PHF24: variants seen among roughly 807,000 people sequenced by gnomAD.
PHF24 encodes Galpha inhibitory interacting protein.
Under a neutral mutation model 42.6 loss-of-function variants are expected in PHF24, and 25 were observed. The observed-to-expected ratio is 0.59, with a 90% CI of 0.43 to 0.82. The LOEUF is 0.82. PHF24 is among the 40% of genes least tolerant of loss of function. The pLI, the probability that PHF24 is intolerant of heterozygous loss-of-function variation, is 0.00. For synonymous variants in PHF24, 185 were observed against 204.8 expected (o/e 0.90, Z 0.83); for missense variants, 470 against 538.1 (o/e 0.87, Z 1.25).
At chr9:34,935,426 T>C in the PHF24 span, among the ~76,000 whole-genome samples, 1 of 151,924 alleles carries the variant, frequency 6.6e-6, no homozygotes, top group Admixed American at 6.5e-5. Context: ...AAACCTCATC[T>C]CAACTAAAAA....
At chr9:34,723,651 G>A in the PHF24 span, 3 of 1,551,512 alleles carry the variant, frequency 1.9e-6, no homozygotes, top group African/African-American at 4.1e-5. Context: ...GCATGGACTG[G>A]CATCACCAGC....
At chr9:34,876,840 A>G in the PHF24 span, among the ~76,000 whole-genome samples, 1 of 152,242 alleles carries the variant, frequency 6.6e-6, no homozygotes, top group Non-Finnish European at 1.5e-5. Flanking sequence ...ACCCAAAGGA[A>G]AACAAAGCAG....
the PHF24 span, chr9:34,917,275 A>G: frequency 3.7e-6 from 4 of 1,066,884 alleles, no homozygotes; most frequent in Admixed American, 1.7e-5. Context: ...ATCTGGATCG[A>G]TGGTACTGGA....
the PHF24 span, among the ~76,000 whole-genome samples, chr9:34,685,323 C>T: frequency 3.3e-5 from 5 of 152,208 alleles, no homozygotes; most frequent in Non-Finnish European, 1.5e-5. Context: ...AGCCCAATCC[C>T]CTTCTCTACT....
At chr9:34,676,406 C>T in the PHF24 span, among the ~76,000 whole-genome samples, 1 of 152,168 alleles carries the variant, frequency 6.6e-6, no homozygotes, top group Admixed American at 6.5e-5. Context: ...CCCCTGTAGT[C>T]CCAGCTTCTC....
At chr9:34,795,520 A>C in the PHF24 span, among the ~76,000 whole-genome samples, 1 of 152,224 alleles carries the variant, frequency 6.6e-6, no homozygotes, top group South Asian at 2.1e-4. Flanking sequence ...AATGAAGAAA[A>C]AACAAGAGAA....
the PHF24 span, chr9:34,728,122 T>G: frequency 2.1e-3 from 3,252 of 1,534,948 alleles, 8 homozygotes; most frequent in Non-Finnish European, 2.8e-3. Context: ...CATGGGATAA[T>G]TTCATAGGCA....
chr9:34,973,718 G>GGAGT (rs1827089242), intron 3 of PHF24, among the ~76,000 whole-genome samples: 1 of 152,180 alleles, frequency 6.6e-6, no homozygotes, highest in Non-Finnish European at 1.5e-5. Context: ...CTGTCCCCAT[G>GGAGT]GAGTACACTG....
the PHF24 span, among the ~76,000 whole-genome samples, chr9:34,764,846 A>G: frequency 6.6e-6 from 1 of 151,272 alleles, no homozygotes; most frequent in Admixed American, 6.6e-5. Flanking sequence ...TAGTGCTATA[A>G]ATTTCCCTCT....
the PHF24 span, among the ~76,000 whole-genome samples, chr9:34,699,804 T>C: frequency 6.6e-6 from 1 of 152,228 alleles, no homozygotes; most frequent in South Asian, 2.1e-4. Flanking sequence ...GCACAACAGA[T>C]ACGCGTTCCT....
At chr9:34,976,437 G>A (rs781663143) in intron 4 of PHF24, 98 bp from the exon 5 acceptor site, 33 of 1,282,312 alleles carry the variant, frequency 2.6e-5, no homozygotes, top group Non-Finnish European at 3.4e-5. Context: ...CTTAGCAAGA[G>A]CTGTGGGTTT....
the PHF24 span, among the ~76,000 whole-genome samples, chr9:34,711,543 T>C: frequency 1.2e-5 from 1 of 86,166 alleles, no homozygotes; most frequent in Admixed American, 1.1e-4. Flanking sequence ...ATGTTGTTAC[T>C]TTTTTTTTTT....
chr9:34,813,363 G>A, the PHF24 span, among the ~76,000 whole-genome samples: 6 of 152,220 alleles, frequency 3.9e-5, no homozygotes, highest in East Asian at 1.9e-4. Context: ...CTATTATTAT[G>A]TAACAAATGA....
the PHF24 span, among the ~76,000 whole-genome samples, chr9:34,872,006 A>G: frequency 6.6e-6 from 1 of 152,108 alleles, no homozygotes; most frequent in Non-Finnish European, 1.5e-5. Flanking sequence ...CTTCCTATTC[A>G]TGAATGTTGA....
chr9:34,969,278 A>C (rs1359280004), intron 1 of PHF24, among the ~76,000 whole-genome samples: 2 of 152,078 alleles, frequency 1.3e-5, no homozygotes, highest in Admixed American at 1.3e-4. Flanking sequence ...TACAAAATCC[A>C]ATTTAATTAT....
the PHF24 span, among the ~76,000 whole-genome samples, chr9:34,748,136 T>C: frequency 6.6e-6 from 1 of 152,138 alleles, no homozygotes; most frequent in Non-Finnish European, 1.5e-5. Flanking sequence ...GGGGATACAA[T>C]AGAGTTTTGA....
the PHF24 span, among the ~76,000 whole-genome samples, chr9:34,821,968 T>C: frequency 2.0e-5 from 3 of 152,214 alleles, no homozygotes; most frequent in East Asian, 5.8e-4. Flanking sequence ...TCCTAGTGGT[T>C]ATGCTTCCTT....
At chr9:34,784,606 C>T in the PHF24 span, among the ~76,000 whole-genome samples, 1 of 152,174 alleles carries the variant, frequency 6.6e-6, no homozygotes, top group Non-Finnish European at 1.5e-5. Context: ...GTATTATACA[C>T]AGCTATTTCT....
the PHF24 span, among the ~76,000 whole-genome samples, chr9:34,685,156 T>G: frequency 1.3e-5 from 2 of 152,106 alleles, no homozygotes; most frequent in African/African-American, 4.8e-5. Context: ...CCCACTCCTT[T>G]CCAGGAGCCC....
Sources: gnomAD v4.1 joint callset for allele counts (sites outside exome capture counted in the v4.1 genomes callset) on GRCh38, gnomAD v4.1.1 for gene constraint, MANE v1.5 for transcripts, NCBI Gene and HGNC (gene_info 2026-07-23, HGNC 2026-07-21) for gene names.